The following ERBB4 variants were observed in gnomAD, a reference collection of about 807,000 sequenced individuals.
The protein encoded by ERBB4 is erb-b2 receptor tyrosine kinase 4, also known as receptor tyrosine-protein kinase erbB-4.
ERBB4 carries 42 observed loss-of-function variants against 158.0 expected under a neutral mutation model. That is an observed-to-expected ratio of 0.27 (90% CI 0.21 to 0.34). The LOEUF is 0.34. Among genes scored for constraint, ERBB4 ranks in the 10% least tolerant of loss-of-function variants. ERBB4 has a pLI of 1.00. For synonymous variants in ERBB4, 583 were observed against 558.7 expected (o/e 1.04, Z -0.61); for missense variants, 1,333 against 1,624.1 (o/e 0.82, Z 3.08).
intron 21 of ERBB4, among the ~76,000 whole-genome samples, chr2:211,430,519 TTTCTC>T (rs1016255585): frequency 7.9e-5 from 12 of 152,246 alleles, no homozygotes; most frequent in African/African-American, 2.6e-4. Flanking sequence ...TACCTAAACT[TTTCTC>T]TAATCTATGA....
At chr2:212,167,359 T>G (rs535242858) in intron 1 of ERBB4, among the ~76,000 whole-genome samples, 2 of 152,038 alleles carry the variant, frequency 1.3e-5, no homozygotes, top group East Asian at 3.9e-4. Flanking sequence ...CACTGATCAT[T>G]AGAGAAATGC....
chr2:211,552,877 C>T (rs891662092), intron 20 of ERBB4, among the ~76,000 whole-genome samples: 2 of 152,098 alleles, frequency 1.3e-5, no homozygotes, highest in African/African-American at 4.8e-5. Context: ...TTCTTTGCTC[C>T]TCTTCAGTAA....
chr2:212,537,953 C>A (rs1693192078), intron 1 of ERBB4, among the ~76,000 whole-genome samples: 1 of 152,152 alleles, frequency 6.6e-6, no homozygotes, highest in South Asian at 2.1e-4. Flanking sequence ...GCAGCGGTCG[C>A]CAGCAGCACA....
intron 4 of ERBB4, among the ~76,000 whole-genome samples, chr2:211,763,361 G>T (rs1283860083): frequency 6.6e-6 from 1 of 152,068 alleles, no homozygotes; most frequent in African/African-American, 2.4e-5. Flanking sequence ...CATAAGAAAT[G>T]AGTGTTGTCA....
intron 1 of ERBB4, among the ~76,000 whole-genome samples, chr2:212,399,049 T>G (rs13400552): frequency 0.12 from 18,664 of 152,060 alleles, 1,239 homozygotes; most frequent in African/African-American, 0.14. Context: ...GTTCAAGCGA[T>G]TCTCTTACCT....
At chr2:212,118,501 G>A (rs1460893924) in intron 2 of ERBB4, among the ~76,000 whole-genome samples, 2 of 152,024 alleles carry the variant, frequency 1.3e-5, no homozygotes, top group Admixed American at 6.6e-5. Flanking sequence ...TACTAGCAGT[G>A]GAAAAGTAAT....
rs1427634029 is a variant in ERBB4, at chr2:211,416,830, T to TA, written c.3135+3610dup. On this transcript the variant is annotated intron_variant, in intron 25 of 27. Coordinates refer to ENST00000342788, the MANE Select transcript of ERBB4 (RefSeq NM_005235.3). ...AGCCTTCCCTTTTTTTTTTTTTTTT[T>TA]AACCCTACACAGCTTTCCCACTCCT... Among the ~76,000 whole-genome samples the TA allele has an allele frequency of 3.2e-3, 458 of 145,106 alleles. 3 individuals are homozygous for TA. The highest frequency in any genetic ancestry group is 0.012 in the African/African-American group (435 of 36,870).
At chr2:212,469,095 T>C (rs1688988463) in intron 1 of ERBB4, among the ~76,000 whole-genome samples, 1 of 152,182 alleles carries the variant, frequency 6.6e-6, no homozygotes, top group Non-Finnish European at 1.5e-5. Context: ...GAAATAGATT[T>C]CTTTCTTTAT....
intron 1 of ERBB4, among the ~76,000 whole-genome samples, chr2:212,328,846 T>C (rs2087991063): frequency 6.6e-6 from 1 of 152,054 alleles, no homozygotes; most frequent in African/African-American, 2.4e-5. Context: ...TCCTTTTGGT[T>C]TTTGATTCTA....
At chr2:211,886,348 G>A (rs957603626) in intron 3 of ERBB4, among the ~76,000 whole-genome samples, 2 of 152,002 alleles carry the variant, frequency 1.3e-5, no homozygotes, top group Admixed American at 1.3e-4. Flanking sequence ...CATAAATTTG[G>A]TTCACTTCTG....
intron 1 of ERBB4, among the ~76,000 whole-genome samples, chr2:212,402,525 T>TA (rs2091237614): frequency 6.6e-6 from 1 of 152,054 alleles, no homozygotes; most frequent in African/African-American, 2.4e-5. Context: ...ATAAGACCAG[T>TA]AGATGGTGTC....
At chr2:212,524,210 G>A (rs1338549705) in intron 1 of ERBB4, among the ~76,000 whole-genome samples, 2 of 151,818 alleles carry the variant, frequency 1.3e-5, no homozygotes, top group Non-Finnish European at 2.9e-5. Flanking sequence ...TAATAATTAA[G>A]CTGACGTTCA....
chr2:212,146,924 C>G lies in ERBB4; in HGVS notation c.83-22021G>C, dbSNP rs572361029. Among the ~76,000 whole-genome samples, 15 of 148,012 alleles carry G rather than the reference C, an allele frequency of 1.0e-4. 1 individual carries two copies. In the East Asian group the frequency reaches 2.6e-3, roughly 25 times the overall value. On this transcript the variant is annotated intron_variant, in intron 1 of 27. Transcript: ENST00000342788. Reference sequence around the variant, plus strand: ...GGGTAAAACTGATATGGGGACAAGACAGAAGAAAGGAATATCTGGGGGAAA... The same window carrying G: ...GGGTAAAACTGATATGGGGACAAGAGAGAAGAAAGGAATATCTGGGGGAAA...
At chr2:211,976,313 C>G (rs1303469176) in intron 2 of ERBB4, among the ~76,000 whole-genome samples, 1 of 152,132 alleles carries the variant, frequency 6.6e-6, no homozygotes, top group Non-Finnish European at 1.5e-5. Context: ...GTGATAAAGA[C>G]TGTGTTTAAT....
chr2:211,652,973 C>CA (rs375904274), intron 16 of ERBB4, among the ~76,000 whole-genome samples: 26 of 149,752 alleles, frequency 1.7e-4, no homozygotes, highest in Admixed American at 6.0e-4. Context: ...AACAAACAAA[C>CA]AAAAAAAAAT....
At chr2:211,458,901 G>T (rs906863550) in intron 20 of ERBB4, among the ~76,000 whole-genome samples, 1 of 152,056 alleles carries the variant, frequency 6.6e-6, no homozygotes. Flanking sequence ...TTTAAGAAAG[G>T]TGTAAAAAAA....
At chr2:212,012,727 G>A (rs971574057) in intron 2 of ERBB4, among the ~76,000 whole-genome samples, 1 of 151,796 alleles carries the variant, frequency 6.6e-6, no homozygotes, top group Admixed American at 6.6e-5. Flanking sequence ...TGTTGTTGTT[G>A]TTGTTGTTGT....
intron 19 of ERBB4, among the ~76,000 whole-genome samples, chr2:211,585,732 A>C (rs2068255505): frequency 6.6e-6 from 1 of 152,142 alleles, no homozygotes; most frequent in African/African-American, 2.4e-5. Flanking sequence ...TTAAGGTATA[A>C]TACATTTGTA....
At chr2:211,420,791 A>ATGAT (rs1003178695) in intron 24 of ERBB4, among the ~76,000 whole-genome samples, 180 bp from the exon 25 acceptor site, 21 of 152,052 alleles carry the variant, frequency 1.4e-4, no homozygotes, top group African/African-American at 5.1e-4. Flanking sequence ...ATGCTTAGAA[A>ATGAT]TGATAGGGCC....
Sources: allele counts gnomAD v4.1 joint callset (sites outside exome capture counted in the v4.1 genomes callset), GRCh38; gene constraint gnomAD v4.1.1; transcripts MANE v1.5; gene names NCBI Gene and HGNC (gene_info 2026-07-23, HGNC 2026-07-21).